RIPOR2: variants seen among roughly 807,000 people sequenced by gnomAD.
The protein encoded by RIPOR2 is RHO family interacting cell polarization regulator 2, also known as rho family-interacting cell polarization regulator 2.
Under a neutral mutation model 114.5 loss-of-function variants are expected in RIPOR2, and 39 were observed. The ratio of observed to expected loss-of-function variants is 0.34; its 90% CI spans 0.26 to 0.44. The LOEUF (loss-of-function observed/expected upper bound fraction) is 0.44. Ranked by LOEUF, RIPOR2 falls within the 20% of genes least tolerant of loss-of-function variation. The probability of loss-of-function intolerance (pLI) is 1.00; values close to 1 mark genes in which losing one functional copy is unlikely to be tolerated. For synonymous variants in RIPOR2, 445 were observed against 484.4 expected (o/e 0.92, Z 1.07); for missense variants, 1,007 against 1,255.1 (o/e 0.80, Z 2.99).
chr6:24,932,555 A>T (rs1019705203), intron 1 of RIPOR2, among the ~76,000 whole-genome samples: 1 of 152,226 alleles, frequency 6.6e-6, no homozygotes, highest in Non-Finnish European at 1.5e-5. Context: ...CACAAAAAAC[A>T]ATTGCTGAAG....
At chr6:24,825,092 A>T in intron 19 of RIPOR2, 134 bp downstream of exon 19, 1 of 682,114 alleles carries the variant, frequency 1.5e-6, no homozygotes, top group Non-Finnish European at 2.4e-6. Context: ...TTTAGTTTTG[A>T]TTGCTTTATG....
chr6:24,878,249 C>T (rs1458463491), intron 1 of RIPOR2, among the ~76,000 whole-genome samples: 1 of 152,160 alleles, frequency 6.6e-6, no homozygotes, highest in Non-Finnish European at 1.5e-5. Flanking sequence ...CTGCTGGTTA[C>T]TGAGAAATCT....
rs373153256 is a variant in RIPOR2 at position 24,843,209 on chromosome 6, C to T, written c.1510G>A (p.Gly504Ser). The change falls in exon 13 of 22, where the codon GGT (glycine) becomes AGT (serine). Residue 504 changes from glycine to serine, a missense_variant. Transcript: ENST00000643898. ...PSEACRRQSS[G>S]AGAEHLFLEN... ...AGGAACAGGTGCTCAGCCCCAGCAC[C>T]TGAGGACTGTCGGCGGCAAGCCTCA... 8.7e-6 allele frequency: 14 copies of T among 1,614,038 alleles called. No individual in the cohort carries two copies. The highest frequency in any genetic ancestry group is 1.2e-5 in the Non-Finnish European group (14 of 1,179,890).
chr6:25,040,272 C>T (rs770565267), intron 1 of RIPOR2, among the ~76,000 whole-genome samples: 4 of 152,060 alleles, frequency 2.6e-5, no homozygotes, highest in Admixed American at 6.6e-5. Context: ...CCCACCACCA[C>T]GCCTGGCTAA....
At chr6:24,872,585 G>C (rs1765303490) in intron 4 of RIPOR2, among the ~76,000 whole-genome samples, 2 of 152,214 alleles carry the variant, frequency 1.3e-5, no homozygotes, top group African/African-American at 4.8e-5. Flanking sequence ...GTATTATTTA[G>C]GAGGGTGGTA....
chr6:25,024,728 C>T (rs1776522298), intron 1 of RIPOR2, among the ~76,000 whole-genome samples: 1 of 152,222 alleles, frequency 6.6e-6, no homozygotes, highest in South Asian at 2.1e-4. Flanking sequence ...AGTGCTGTTT[C>T]TCCTAACTTG....
chr6:24,842,205 C>T (rs986913751), intron 13 of RIPOR2, among the ~76,000 whole-genome samples: 6 of 152,090 alleles, frequency 3.9e-5, no homozygotes, highest in African/African-American at 1.4e-4. Flanking sequence ...CATTCTGATG[C>T]AGCAATAATG....
At position 24,913,714 on chromosome 6, in the gene RIPOR2, G is replaced by T. The variant is rs555110044; in HGVS notation, c.61+22124C>A. 3.9e-5 allele frequency among the ~76,000 whole-genome samples: 6 copies of T among 152,316 alleles called. No homozygotes were observed. The South Asian group carries it at 1.2e-3, about 32-fold the overall frequency. Reference sequence around the variant, plus strand: ...TCACCAAAGTCTTCATTCTTGGGTAGTTAATTTCTGCTTGCGCCCATTCTC... The same window carrying T: ...TCACCAAAGTCTTCATTCTTGGGTATTTAATTTCTGCTTGCGCCCATTCTC... On this transcript the variant is annotated intron_variant, in intron 1 of 21. Coordinates refer to ENST00000643898, the MANE Select transcript of RIPOR2 (RefSeq NM_001286445.3).
intron 1 of RIPOR2, among the ~76,000 whole-genome samples, chr6:25,040,143 G>A (rs1033523721): frequency 1.3e-5 from 2 of 148,626 alleles, no homozygotes; most frequent in Admixed American, 6.7e-5. Context: ...TTTAGATGGA[G>A]TTTCGCTCAT....
chr6:24,957,280 T>A (rs2114214007), intron 1 of RIPOR2, among the ~76,000 whole-genome samples: 1 of 152,354 alleles, frequency 6.6e-6, no homozygotes, highest in South Asian at 2.1e-4. Flanking sequence ...CTGTTCTTGG[T>A]GATTTACAAA....
At chr6:24,994,618 A>T (rs991406256) in intron 1 of RIPOR2, among the ~76,000 whole-genome samples, 1 of 152,128 alleles carries the variant, frequency 6.6e-6, no homozygotes, top group Admixed American at 6.5e-5. Context: ...GGGAGAAGAC[A>T]TTGGGGTACT....
intron 1 of RIPOR2, chr6:24,976,785 C>T: frequency 6.2e-7 from 1 of 1,611,550 alleles, no homozygotes; most frequent in Non-Finnish European, 8.5e-7. Flanking sequence ...TTGTCCATGG[C>T]AAATGCTGGA....
intron 1 of RIPOR2, among the ~76,000 whole-genome samples, chr6:25,005,082 T>A (rs1490561725): frequency 2.0e-5 from 3 of 152,054 alleles, no homozygotes; most frequent in Non-Finnish European, 4.4e-5. Context: ...TATTAATTAG[T>A]GAATTCTTTC....
rs765588591 is a variant in RIPOR2, at chr6:24,843,045, G to A, written c.1674C>T (p.Ala558=). 3.3e-5 allele frequency: 54 copies of A among 1,612,210 alleles called. No individual in the cohort carries two copies. The African/African-American group carries it at 5.9e-4, about 18-fold the overall frequency. ...KRLTSAEVPM[A]TDRLLSEGSV... ...AACCCTCAGAGAGCAGCCTGTCTGT[G>A]GCCATTGGCACCTCTGCAGATGTGA... is the stretch of plus-strand genomic sequence containing the variant. Residue 558 remains alanine, a synonymous_variant, in exon 13 of 22, where the codon GCC becomes GCT. Coordinates refer to ENST00000643898, the MANE Select transcript of RIPOR2 (RefSeq NM_001286445.3).
At chr6:24,871,046 CTT>C (rs1485684881) in intron 4 of RIPOR2, among the ~76,000 whole-genome samples, 157 bp from the exon 5 acceptor site, 2 of 152,100 alleles carry the variant, frequency 1.3e-5, no homozygotes, top group Non-Finnish European at 2.9e-5. Flanking sequence ...AGAATAAAAA[CTT>C]GGGTTATTTT....
At chr6:24,966,851 T>G (rs1263960394) in intron 1 of RIPOR2, among the ~76,000 whole-genome samples, 1 of 152,212 alleles carries the variant, frequency 6.6e-6, no homozygotes, top group African/African-American at 2.4e-5. Flanking sequence ...GCTATTATCC[T>G]TCGAAGAGGA....
chr6:24,860,992 T>C lies in RIPOR2; in HGVS notation c.696A>G (p.Glu232=). The part of the protein sequence containing the change: ...IEVELENLLG[E]FSIKMKGLAG... ...TAATACCTTTCATCTTGATGGAGAA[T>C]TCTCCCAGCAGATTCTCTAGCTCCA... Residue 232 remains glutamate, a synonymous_variant, in exon 8 of 22, where the codon GAA becomes GAG. Coordinates refer to ENST00000643898, the MANE Select transcript of RIPOR2 (RefSeq NM_001286445.3). 2 of 1,608,500 alleles carry C rather than the reference T, an allele frequency of 1.2e-6. No homozygotes were observed. The highest frequency in any genetic ancestry group is 1.7e-6 in the Non-Finnish European group (2 of 1,175,928).
At chr6:24,991,120 C>G (rs549898382) in intron 1 of RIPOR2, among the ~76,000 whole-genome samples, 4 of 152,236 alleles carry the variant, frequency 2.6e-5, no homozygotes, top group South Asian at 2.1e-4. Flanking sequence ...AACAAGCATG[C>G]GTCATTAGCC....
chr6:25,003,007 A>ACATGGAACATTTTTATGTTTTATATTC (rs1775386866), intron 1 of RIPOR2, among the ~76,000 whole-genome samples: 1 of 152,244 alleles, frequency 6.6e-6, no homozygotes, highest in Non-Finnish European at 1.5e-5. Context: ...TGCAGTTAAA[A>ACATGGAACATTTTTATGTTTTATATTC]CATGGAACAT....
Sources: gnomAD v4.1 joint callset for allele counts (sites outside exome capture counted in the v4.1 genomes callset) on GRCh38, gnomAD v4.1.1 for gene constraint, MANE v1.5 for transcripts, NCBI Gene and HGNC (gene_info 2026-07-23, HGNC 2026-07-21) for gene names.